The following BCAR3 variants were observed in gnomAD, a reference collection of about 807,000 sequenced individuals.
BCAR3 encodes the protein BCAR3 adaptor protein, NSP family member, also known as breast cancer anti-estrogen resistance protein 3.
Under a neutral mutation model 80.1 loss-of-function variants are expected in BCAR3, and 37 were observed. The ratio of observed to expected loss-of-function variants is 0.46; its 90% CI spans 0.36 to 0.61. BCAR3 has a LOEUF of 0.61. Ranked by LOEUF, BCAR3 falls within the 20% of genes least tolerant of loss-of-function variation. The pLI is 0.00. For missense variants in BCAR3, 978 were observed against 1,068.2 expected (o/e 0.92, Z 1.18); for synonymous variants, 389 against 418.9 (o/e 0.93, Z 0.87).
chr1:93,567,618 T>C, intron 10 of BCAR3, 122 bp downstream of exon 10: 2 of 1,397,838 alleles, frequency 1.4e-6, no homozygotes, highest in Non-Finnish European at 2.0e-6. Flanking sequence ...TGTCATCTGA[T>C]AAAAGCCCTG....
In BCAR3 at chr1:93,749,592, A is replaced by AAAG. The variant is rs199829668; in HGVS notation, c.-62-43451_-62-43450insCTT. On this transcript the variant is annotated intron_variant, in intron 2 of 13. Transcript: ENST00000370244. ...TGACAGAGCGAGACTCCGTCAAAAA[A>AAAG]AAAAAAAAAAAAGAAAAGAAAATCC... Among the ~76,000 whole-genome samples the AAAG allele has an allele frequency of 2.4e-3, 350 of 148,276 alleles. 2 individuals carry two copies. The highest frequency in any genetic ancestry group is 8.7e-3 in the African/African-American group (341 of 39,302).
rs561003902 is a variant in BCAR3, at chr1:93,802,269, C to T, written c.-63+43298G>A. Among the ~76,000 whole-genome samples, 8 of 151,930 alleles carry T rather than the reference C, an allele frequency of 5.3e-5. No homozygotes were observed. In the South Asian group the frequency reaches 1.7e-3, roughly 32 times the overall value. ...AGGCTGCAATGAGCCATAATCACAC[C>T]ACTGCACTCCAGCCTGGGCAGCTGA... On this transcript the variant is annotated intron_variant, in intron 2 of 13. Coordinates refer to the BCAR3 transcript ENST00000370244.
intron 1 of BCAR3, among the ~76,000 whole-genome samples, chr1:93,846,575 G>C (rs1655196017): frequency 6.6e-6 from 1 of 152,068 alleles, no homozygotes; most frequent in South Asian, 2.1e-4. Flanking sequence ...CACCCTTCTG[G>C]GCAGCGGCGC....
At chr1:93,645,293 A>G (rs531497922) in intron 2 of BCAR3, among the ~76,000 whole-genome samples, 17 of 152,078 alleles carry the variant, frequency 1.1e-4, no homozygotes, top group Non-Finnish European at 1.9e-4. Context: ...AAAAAATGTG[A>G]GAAAGAAATA....
intron 2 of BCAR3, among the ~76,000 whole-genome samples, chr1:93,745,326 C>G (rs1230382301): frequency 6.6e-6 from 1 of 152,242 alleles, no homozygotes; most frequent in Non-Finnish European, 1.5e-5. Context: ...CCGATGAGTT[C>G]ACCCTTCAGC....
intron 2 of BCAR3, among the ~76,000 whole-genome samples, chr1:93,670,182 G>A (rs919192593): frequency 3.9e-5 from 6 of 152,336 alleles, no homozygotes; most frequent in Admixed American, 2.6e-4. Context: ...AGGAAATCCT[G>A]TCTGCAGACC....
chr1:93,613,867 T>G lies in BCAR3; in HGVS notation c.358-21474A>C, dbSNP rs777058098. 1.9e-5 allele frequency: 29 copies of G among 1,550,400 alleles called. No individual in the cohort carries two copies. The African/African-American group carries it at 3.6e-4, about 19-fold the overall frequency. On this transcript the variant is annotated intron_variant, in intron 3 of 11. Transcript: ENST00000260502. ...CCTACCTTGACTCCAATGAAAGACT[T>G]GCGGTGATAGAAGCAGCACAGAGCT...
chr1:93,563,968 A>G (rs1432715115), intron 11 of BCAR3, among the ~76,000 whole-genome samples: 1 of 152,122 alleles, frequency 6.6e-6, no homozygotes, highest in Non-Finnish European at 1.5e-5. Context: ...TGCTGGGATT[A>G]CAGACATTAG....
At chr1:93,753,543 T>TACACACACACAC (rs5776188) in intron 2 of BCAR3, 1 of 137,560 alleles carries the variant, frequency 7.3e-6, no homozygotes, top group Non-Finnish European at 1.6e-5. Context: ...TGCACGCGGG[T>TACACACACACAC]ACACACACAC....
chr1:93,682,950 T>G (rs2101957956), upstream of BCAR3, among the ~76,000 whole-genome samples: 1 of 152,238 alleles, frequency 6.6e-6, no homozygotes, highest in Middle Eastern at 3.4e-3. Flanking sequence ...AAAGACGATG[T>G]CTTAAACACA....
At chr1:93,707,733 C>A (rs1649873375) in intron 2 of BCAR3, among the ~76,000 whole-genome samples, 1 of 152,052 alleles carries the variant, frequency 6.6e-6, no homozygotes, top group African/African-American at 2.4e-5. Flanking sequence ...ATAATAATAG[C>A]TCTGACGGTC....
At position 93,647,434 on chromosome 1, in the gene BCAR3, T is replaced by C. The variant is rs191386706; in HGVS notation, c.318-5091A>G. 5.9e-5 allele frequency among the ~76,000 whole-genome samples: 9 copies of C among 152,316 alleles called. No homozygotes were observed. In the East Asian group the frequency reaches 1.2e-3, roughly 20 times the overall value. On this transcript the variant is annotated intron_variant, in intron 2 of 11. Coordinates refer to ENST00000260502, the MANE Select transcript of BCAR3 (RefSeq NM_003567.4). Reference sequence around the variant, plus strand: ...AAAAACATACAGGTTAACAGAAGTATAAAATTTAAGATGTTTAAACAAGCT... The same window carrying C: ...AAAAACATACAGGTTAACAGAAGTACAAAATTTAAGATGTTTAAACAAGCT...
chr1:93,639,560 T>C (rs574816212), intron 3 of BCAR3, among the ~76,000 whole-genome samples: 1 of 146,560 alleles, frequency 6.8e-6, no homozygotes, highest in Non-Finnish European at 1.5e-5. Context: ...CACTGCAACC[T>C]CCGCCTCCCA....
chr1:93,598,849 TAAGGAC>T (rs1424722241), intron 3 of BCAR3: 2 of 152,122 alleles, frequency 1.3e-5, no homozygotes, highest in South Asian at 2.1e-4. Context: ...GGATAAAACT[TAAGGAC>T]AGGGATAGGA....
chr1:93,600,043 T>G (rs1674570262), intron 3 of BCAR3, among the ~76,000 whole-genome samples: 1 of 152,166 alleles, frequency 6.6e-6, no homozygotes, highest in Non-Finnish European at 1.5e-5. Flanking sequence ...TTCAGAGATT[T>G]TAGTCCAAGG....
intron 2 of BCAR3, among the ~76,000 whole-genome samples, chr1:93,819,821 A>G (rs572612379): frequency 1.2e-4 from 18 of 152,022 alleles, no homozygotes; most frequent in African/African-American, 4.3e-4. Flanking sequence ...TACATGGGTA[A>G]ATTGTGTGTC....
chr1:93,652,358 A>G (rs1350311089), intron 2 of BCAR3, among the ~76,000 whole-genome samples: 4 of 152,214 alleles, frequency 2.6e-5, no homozygotes, highest in Admixed American at 6.5e-5. Flanking sequence ...CCAAATTAAA[A>G]TTATATTTAA....
intron 2 of BCAR3, among the ~76,000 whole-genome samples, chr1:93,774,433 G>A (rs539722716): frequency 8.7e-5 from 13 of 149,860 alleles, no homozygotes; most frequent in East Asian, 2.0e-4. Context: ...GCAGTGAGCC[G>A]AGATCGGACC....
At chr1:93,607,171 G>A (rs1365875858) in intron 3 of BCAR3, among the ~76,000 whole-genome samples, 2 of 152,156 alleles carry the variant, frequency 1.3e-5, no homozygotes, top group African/African-American at 4.8e-5. Context: ...TGGGTGGTGA[G>A]TACATTGGAA....
Sources: gnomAD v4.1 joint callset for allele counts (sites outside exome capture counted in the v4.1 genomes callset) on GRCh38, gnomAD v4.1.1 for gene constraint, MANE v1.5 for transcripts, NCBI Gene and HGNC (gene_info 2026-07-23, HGNC 2026-07-21) for gene names.